The following PUS7 variants were observed in gnomAD, a reference collection of about 807,000 sequenced individuals.
PUS7 encodes pseudouridine synthase 7, also known as pseudouridylate synthase 7 homolog.
In PUS7, 48 loss-of-function variants were observed where a neutral mutation model predicts 79.8. The ratio of observed to expected loss-of-function variants is 0.60; its 90% confidence interval spans 0.48 to 0.76. The LOEUF (loss-of-function observed/expected upper bound fraction) is 0.76. Ranked by LOEUF, PUS7 falls within the 30% of genes least tolerant of loss-of-function variation. The probability of loss-of-function intolerance (pLI) is 0.00; values close to 1 mark genes in which losing one functional copy is unlikely to be tolerated. For missense variants in PUS7, 729 were observed against 797.6 expected (o/e 0.91, Z 1.04); for synonymous variants, 286 against 272.2 (o/e 1.05, Z -0.50).
At chr7:105,483,417 G>A (rs527540516) in intron 7 of PUS7, among the ~76,000 whole-genome samples, 7 of 151,154 alleles carry the variant, frequency 4.6e-5, no homozygotes, top group East Asian at 3.9e-4. Flanking sequence ...CGCCCGCCTC[G>A]GCCTCCCAAA....
chr7:105,516,041 C>G (rs1035521980), intron 1 of PUS7, among the ~76,000 whole-genome samples: 17 of 152,008 alleles, frequency 1.1e-4, no homozygotes, highest in African/African-American at 4.1e-4. Flanking sequence ...AAACTCCTGA[C>G]CTGGTGATCC....
intron 5 of PUS7, among the ~76,000 whole-genome samples, chr7:105,495,884 A>T (rs1824992735): frequency 6.6e-6 from 1 of 152,104 alleles, no homozygotes; most frequent in African/African-American, 2.4e-5. Flanking sequence ...ATTTAGGCCG[A>T]GTGTAATCCC....
In PUS7 at chr7:105,457,727, A is replaced by ATTTTT; in HGVS notation, c.*62_*63insAAAAA. On this transcript the variant is annotated 3_prime_UTR_variant, in exon 16 of 16. Transcript: ENST00000469408. ...TATATGAGTCTGAACTAAGACAAAA[A>ATTTTT]TGCACAGGGAGCCAGGAAGCAAACA... is the stretch of plus-strand genomic sequence containing the variant. 1 of 1,548,090 alleles carries ATTTTT rather than the reference A, an allele frequency of 6.5e-7. No individual in the cohort carries two copies. Among genetic ancestry groups the ATTTTT allele is most frequent in the Non-Finnish European group, 8.8e-7 (1 of 1,138,442 alleles).
intron 4 of PUS7, among the ~76,000 whole-genome samples, 198 bp downstream of exon 4, chr7:105,505,757 T>G (rs896897401): frequency 6.6e-6 from 1 of 151,604 alleles, no homozygotes; most frequent in African/African-American, 2.4e-5. Flanking sequence ...AATGTAACTT[T>G]GGGGGGGGCT....
At chr7:105,480,763 C>T (rs760022414) in intron 9 of PUS7, among the ~76,000 whole-genome samples, 11 of 151,228 alleles carry the variant, frequency 7.3e-5, no homozygotes, top group African/African-American at 1.9e-4. Context: ...GCAACAAGGG[C>T]GAAACTCTGT....
chr7:105,490,605 G>A (rs1354681351), intron 7 of PUS7, among the ~76,000 whole-genome samples: 16 of 152,038 alleles, frequency 1.1e-4, no homozygotes, highest in Admixed American at 1.0e-3. Context: ...GACCTAACAG[G>A]CCCTTCAGGA....
chr7:105,487,052 C>T lies in PUS7; in HGVS notation c.920+4488G>A, dbSNP rs1421276230. 2.0e-5 allele frequency among the ~76,000 whole-genome samples: 3 copies of T among 151,940 alleles called. No homozygotes were observed. The East Asian group carries it at 5.8e-4, about 29-fold the overall frequency. ...CTCCAGCCTGGATAACAGAACGAGA[C>T]CCTGTATCAAAAAATAAAATAAAAT... is the stretch of plus-strand genomic sequence containing the variant. On this transcript the variant is annotated intron_variant, in intron 7 of 15. Transcript: ENST00000469408.
rs571384612 is a variant in PUS7, at chr7:105,481,952, G to T, written c.1049+360C>A. Among the ~76,000 whole-genome samples the T allele has an allele frequency of 2.4e-3, 366 of 152,218 alleles. 2 individuals are homozygous for T. The highest frequency in any genetic ancestry group is 8.5e-3 in the African/African-American group (351 of 41,534). Reference sequence around the variant, plus strand: ...TCACCGTATTAGCCAGGATGGTCTCGATCTCCTGACCTTGTGATCCACCTG... The same window carrying T: ...TCACCGTATTAGCCAGGATGGTCTCTATCTCCTGACCTTGTGATCCACCTG... On this transcript the variant is annotated intron_variant, in intron 8 of 15. Coordinates refer to ENST00000469408, the MANE Select transcript of PUS7 (RefSeq NM_019042.5).
intron 7 of PUS7, among the ~76,000 whole-genome samples, chr7:105,488,845 T>C (rs999145053): frequency 6.6e-6 from 1 of 152,170 alleles, no homozygotes. Flanking sequence ...TACCTAGTTC[T>C]TTCTGTGTTG....
intron 7 of PUS7, among the ~76,000 whole-genome samples, chr7:105,486,681 C>T (rs866740807): frequency 2.6e-5 from 4 of 151,820 alleles, no homozygotes; most frequent in East Asian, 3.9e-4. Flanking sequence ...GAGAGTGTTC[C>T]GGAGACTGCT....
chr7:105,501,115 T>A (rs1463966938), intron 5 of PUS7, among the ~76,000 whole-genome samples: 1 of 152,222 alleles, frequency 6.6e-6, no homozygotes, highest in African/African-American at 2.4e-5. Context: ...TTTCCTCCTG[T>A]TCTCTTTTTT....
At position 105,508,654 on chromosome 7, in the gene PUS7, C is replaced by A; in HGVS notation, c.-32-110G>T. The stretch of plus-strand genomic sequence containing the variant: ...GCGTTTTGAGGGAGGTTAAGGCAGG[C>A]AGATCACTTGAGGTCAGGAGTTCAA... On this transcript the variant is annotated intron_variant, in intron 1 of 15. Coordinates refer to ENST00000469408, the MANE Select transcript of PUS7 (RefSeq NM_019042.5). 3 of 1,394,964 alleles carry A rather than the reference C, an allele frequency of 2.2e-6. No homozygotes were observed. The South Asian group carries it at 4.4e-5, about 20-fold the overall frequency. The allele number at this position is 1,394,964 out of a possible 1,614,324, so 86.4% of individuals were successfully genotyped here. A position where few individuals can be genotyped will look rare whatever the true frequency, so the allele number is the denominator to read the frequency against.
At chr7:105,515,562 C>G (rs1003066464) in intron 1 of PUS7, among the ~76,000 whole-genome samples, 6 of 152,114 alleles carry the variant, frequency 3.9e-5, no homozygotes, top group Non-Finnish European at 8.8e-5. Flanking sequence ...CAAGAATAAA[C>G]TAAACTCACT....
chr7:105,484,016 T>C (rs1398906682), intron 7 of PUS7, among the ~76,000 whole-genome samples: 1 of 152,202 alleles, frequency 6.6e-6, no homozygotes, highest in African/African-American at 2.4e-5. Flanking sequence ...GAAATATTAC[T>C]GAGGTGATAT....
chr7:105,506,900 T>C (rs1825486271), intron 2 of PUS7, among the ~76,000 whole-genome samples: 1 of 152,166 alleles, frequency 6.6e-6, no homozygotes, highest in Admixed American at 6.5e-5. Context: ...TCACAAAATA[T>C]GCTATATGGT....
intron 1 of PUS7, among the ~76,000 whole-genome samples, chr7:105,509,727 C>T (rs1825632541): frequency 6.6e-6 from 1 of 152,194 alleles, no homozygotes; most frequent in African/African-American, 2.4e-5. Context: ...AATGCTCTCA[C>T]TTTGGCTTCC....
At chr7:105,479,056 T>C (rs1471778822) in intron 9 of PUS7, among the ~76,000 whole-genome samples, 1 of 152,220 alleles carries the variant, frequency 6.6e-6, no homozygotes, top group Non-Finnish European at 1.5e-5. Context: ...ATTTTATCAA[T>C]GTCCTCTGAC....
intron 5 of PUS7, among the ~76,000 whole-genome samples, chr7:105,496,225 A>AGC (rs1160618919): frequency 3.2e-5 from 2 of 61,948 alleles, no homozygotes; most frequent in African/African-American, 6.9e-5. Context: ...ATATATATAT[A>AGC]TAGAGAGAGA....
At chr7:105,492,202 AG>A (rs1280833895) in intron 6 of PUS7, among the ~76,000 whole-genome samples, 4 of 152,032 alleles carry the variant, frequency 2.6e-5, no homozygotes, top group African/African-American at 4.8e-5. Flanking sequence ...CAGGAGTTGG[AG>A]GCTACAGTGC....
Sources: allele counts gnomAD v4.1 joint callset (sites outside exome capture counted in the v4.1 genomes callset), GRCh38; gene constraint gnomAD v4.1.1; transcripts MANE v1.5; gene names NCBI Gene and HGNC (gene_info 2026-07-23, HGNC 2026-07-21).